RRAGB: variants seen among roughly 807,000 people sequenced by gnomAD.
The protein encoded by RRAGB is Ras related GTP binding B, also known as ras-related GTP-binding protein B.
In RRAGB, 6 loss-of-function variants were observed where a neutral mutation model predicts 29.3. That is an observed-to-expected ratio of 0.21 (90% CI 0.11 to 0.40). RRAGB has a LOEUF of 0.40. Ranked by LOEUF, RRAGB falls within the 10% of genes least tolerant of loss-of-function variation. The probability of loss-of-function intolerance (pLI) is 1.00; values close to 1 mark genes in which losing one functional copy is unlikely to be tolerated. For synonymous variants in RRAGB, 101 were observed against 92.5 expected (o/e 1.09, Z -0.53); for missense variants, 184 against 272.9 (o/e 0.67, Z 2.29).
intron 8 of RRAGB, among the ~76,000 whole-genome samples, chrX:55,756,476 T>TA (rs1257490245): frequency 8.9e-6 from 1 of 112,076 alleles, no homozygotes; most frequent in Non-Finnish European, 1.9e-5. Flanking sequence ...TCAAAATCCT[T>TA]ACCCTGATAA....
At chrX:55,720,569 G>A (rs986067366) in intron 2 of RRAGB, among the ~76,000 whole-genome samples, 2 of 111,470 alleles carry the variant, frequency 1.8e-5, no homozygotes, top group South Asian at 7.6e-4. Flanking sequence ...GGCTGGGCAC[G>A]GTGGCTCATG....
At chrX:55,722,903 G>A (rs1419702986) in intron 3 of RRAGB, among the ~76,000 whole-genome samples, 2 of 111,361 alleles carry the variant, frequency 1.8e-5, no homozygotes, top group East Asian at 5.7e-4. Context: ...TCTCTGGGTT[G>A]TACTGCCATT....
At chrX:55,740,139 G>A (rs1017847652) in intron 5 of RRAGB, among the ~76,000 whole-genome samples, 4 of 111,058 alleles carry the variant, frequency 3.6e-5, no homozygotes, top group South Asian at 3.9e-4. Context: ...TGGCTAATAC[G>A]GTGAAACCCC....
At chrX:55,743,713 C>T (rs2034155257) in intron 5 of RRAGB, among the ~76,000 whole-genome samples, 1 of 112,437 alleles carries the variant, frequency 8.9e-6, no homozygotes, top group African/African-American at 3.2e-5. Context: ...CTTCCACAGA[C>T]CGTTTTGTCA....
chrX:55,750,474 C>G (rs776082539), intron 5 of RRAGB, among the ~76,000 whole-genome samples: 2 of 111,131 alleles, frequency 1.8e-5, no homozygotes, highest in South Asian at 7.7e-4. Flanking sequence ...CCACATTATA[C>G]AGAATAATAC....
At chrX:55,757,545 T>C (rs1249964214) in intron 9 of RRAGB, among the ~76,000 whole-genome samples, 1 of 112,383 alleles carries the variant, frequency 8.9e-6, no homozygotes, top group African/African-American at 3.2e-5. Flanking sequence ...TAAGAAAAAG[T>C]ATTTTAGTAC....
chrX:55,742,492 T>C (rs2034116777), intron 5 of RRAGB, among the ~76,000 whole-genome samples: 1 of 112,452 alleles, frequency 8.9e-6, no homozygotes, highest in Admixed American at 9.4e-5. Flanking sequence ...TATATCTATT[T>C]TGGAGGAGCA....
At chrX:55,747,835 C>CCACGG (rs753084195) in intron 5 of RRAGB, among the ~76,000 whole-genome samples, 3 of 98,068 alleles carry the variant, frequency 3.1e-5, no homozygotes, top group East Asian at 3.5e-4. Flanking sequence ...CTCCCTCTCC[C>CCACGG]TCTCCCTCTC....
intron 3 of RRAGB, among the ~76,000 whole-genome samples, chrX:55,726,603 A>G: frequency 9.0e-6 from 1 of 111,252 alleles, no homozygotes; most frequent in Middle Eastern, 4.6e-3. Flanking sequence ...TTTGAGATCT[A>G]TTTAAGAGAT....
At chrX:55,724,553 G>T (rs1048749348) in intron 3 of RRAGB, among the ~76,000 whole-genome samples, 2 of 111,528 alleles carry the variant, frequency 1.8e-5, no homozygotes, top group African/African-American at 6.5e-5. Flanking sequence ...GGCCTGTCAT[G>T]CCTCTATAAT....
At chrX:55,757,659 G>A (rs1354815171) in intron 9 of RRAGB, among the ~76,000 whole-genome samples, 1 of 111,715 alleles carries the variant, frequency 9.0e-6, no homozygotes, top group Non-Finnish European at 1.9e-5. Context: ...CAAAAAGCAA[G>A]TCACTAAATC....
In RRAGB at chrX:55,739,591, T is replaced by C. The variant is rs140793447; in HGVS notation, c.516+8005T>C. On this transcript the variant is annotated intron_variant, in intron 5 of 9. Coordinates refer to ENST00000374941, the MANE Select transcript of RRAGB (RefSeq NM_006064.5). ...AGTGGGAATGTGTATCAAGGAGACATTGTCTCCCCCTTTCATGCTCTGGAG... is the reference window on the plus strand; with the variant it reads ...AGTGGGAATGTGTATCAAGGAGACACTGTCTCCCCCTTTCATGCTCTGGAG... 5.9e-3 allele frequency among the ~76,000 whole-genome samples: 658 copies of C among 112,086 alleles called. 2 individuals carry two copies. Among genetic ancestry groups the C allele is most frequent in the Non-Finnish European group, 9.8e-3 (520 of 53,124 alleles).
intron 2 of RRAGB, 109 bp from the exon 3 acceptor site, chrX:55,722,077 C>A: frequency 2.3e-6 from 1 of 427,688 alleles, no homozygotes. Flanking sequence ...GTTGTTGGTA[C>A]TGTCAGTTCA....
intron 3 of RRAGB, chrX:55,727,439 G>A (rs1251781518): frequency 3.5e-6 from 2 of 573,893 alleles, no homozygotes; most frequent in Non-Finnish European, 3.1e-6. Context: ...GGGGAGAAGG[G>A]AAGTAGTTTG....
chrX:55,746,422 C>T (rs188562153), intron 5 of RRAGB, among the ~76,000 whole-genome samples: 1 of 111,147 alleles, frequency 9.0e-6, no homozygotes, highest in East Asian at 2.8e-4. Context: ...GATTAAGTGC[C>T]CCCACTTGGT....
intron 7 of RRAGB, 130 bp downstream of exon 7, chrX:55,753,644 A>T: frequency 1.7e-6 from 1 of 596,629 alleles, no homozygotes; most frequent in Non-Finnish European, 2.5e-6. Context: ...GTACAGACTT[A>T]TTTATAAAAT....
rs1371217811 is a variant in RRAGB, at chrX:55,729,333, T to C, written c.266T>C (p.Leu89Pro). The change falls in exon 4 of 10, where the codon CTG (leucine) becomes CCG (proline). Residue 89 changes from leucine to proline, a missense_variant. Leu to Pro is a moderately conservative substitution (Grantham distance 98). Transcript: ENST00000374941. ...EHSHVRFLGN[L>P]VLNLWDCGGQ... ...TCTCATGTTCGATTTCTGGGAAACC[T>C]GGTATTGAACCTGTGGGATTGTGGT... 1 of 1,202,225 alleles carries C rather than the reference T, an allele frequency of 8.3e-7. No homozygotes were observed. The highest frequency in any genetic ancestry group is 1.1e-6 in the Non-Finnish European group (1 of 887,084).
intron 3 of RRAGB, chrX:55,727,533 G>C (rs1024705033): frequency 5.4e-6 from 2 of 370,651 alleles, no homozygotes; most frequent in Non-Finnish European, 9.5e-6. Flanking sequence ...GCTATGCCCC[G>C]CCCCCCCGCT....
At chrX:55,743,893 C>A (rs2034160351) in intron 5 of RRAGB, among the ~76,000 whole-genome samples, 1 of 111,636 alleles carries the variant, frequency 9.0e-6, no homozygotes. Flanking sequence ...TTACCACTTT[C>A]TTTCAGGGCT....
Sources: allele counts gnomAD v4.1 joint callset (sites outside exome capture counted in the v4.1 genomes callset), GRCh38; gene constraint gnomAD v4.1.1; transcripts MANE v1.5; gene names NCBI Gene and HGNC (gene_info 2026-07-23, HGNC 2026-07-21).